DNAH1: variants seen among roughly 807,000 people sequenced by gnomAD.
DNAH1 encodes axonemal beta dynein heavy chain 1.
Under a neutral mutation model 484.3 loss-of-function variants are expected in DNAH1, and 327 were observed. The observed-to-expected ratio is 0.68, with a 90% CI of 0.62 to 0.74. The LOEUF (loss-of-function observed/expected upper bound fraction) is 0.74, where lower values mean the gene tolerates loss of function less well. Among genes scored for constraint, DNAH1 ranks in the 30% least tolerant of loss-of-function variants. The pLI is 0.00. For synonymous variants in DNAH1, 2,192 were observed against 2,191.9 expected (o/e 1.00, Z 0.00); for missense variants, 5,052 against 5,546.8 (o/e 0.91, Z 2.83).
the DNAH1 span, among the ~76,000 whole-genome samples, chr3:52,311,302 G>C: frequency 1.3e-5 from 2 of 152,328 alleles, no homozygotes; most frequent in East Asian, 1.9e-4. Flanking sequence ...GACCGGGACC[G>C]GGGCCTAGCT....
intron 8 of DNAH1, among the ~76,000 whole-genome samples, chr3:52,337,188 A>G (rs1701769666): frequency 6.6e-6 from 1 of 152,132 alleles, no homozygotes; most frequent in African/African-American, 2.4e-5. Flanking sequence ...TGTGTGTGGC[A>G]ATTGTAAATG....
chr3:52,373,318 G>A (rs1411833391), intron 44 of DNAH1, among the ~76,000 whole-genome samples: 10 of 152,178 alleles, frequency 6.6e-5, no homozygotes, highest in Admixed American at 1.3e-4. Flanking sequence ...TGGTGGCCGC[G>A]GGGGCGCGAC....
At chr3:52,337,318 C>T (rs1422768922) in intron 8 of DNAH1, among the ~76,000 whole-genome samples, 1 of 152,106 alleles carries the variant, frequency 6.6e-6, no homozygotes, top group Non-Finnish European at 1.5e-5. Flanking sequence ...CAGTTCCAGG[C>T]CTTTTGATGG....
At chr3:52,365,457 AC>A (rs1342912537) in intron 34 of DNAH1, among the ~76,000 whole-genome samples, 1 of 152,080 alleles carries the variant, frequency 6.6e-6, no homozygotes, top group Non-Finnish European at 1.5e-5. Context: ...GTTGAGTGAC[AC>A]CCCTGGCGTC....
At chr3:52,316,839 C>T (rs933479224) in intron 1 of DNAH1, among the ~76,000 whole-genome samples, 2 of 152,306 alleles carry the variant, frequency 1.3e-5, no homozygotes, top group African/African-American at 2.4e-5. Flanking sequence ...TAGTACTAAC[C>T]GTCTCAGCAA....
intron 57 of DNAH1, 24 bp downstream of exon 57, chr3:52,388,358 G>T (rs776593773): frequency 3.7e-6 from 6 of 1,600,084 alleles, no homozygotes; most frequent in Non-Finnish European, 4.3e-6. Context: ...GGAGCTGGTG[G>T]GGGAGGGCTC....
intron 48 of DNAH1, 150 bp downstream of exon 48, chr3:52,380,285 C>T (rs908126944): frequency 5.9e-6 from 4 of 675,814 alleles, no homozygotes; most frequent in African/African-American, 5.4e-5. Context: ...CTCCAGGAGA[C>T]TCCCGGCATG....
At chr3:52,320,279 G>A (rs1701096569) in intron 1 of DNAH1, among the ~76,000 whole-genome samples, 1 of 152,234 alleles carries the variant, frequency 6.6e-6, no homozygotes, top group Non-Finnish European at 1.5e-5. Context: ...TTAGACAGGT[G>A]GGCCAGACTC....
rs891256082 is a variant in DNAH1, at chr3:52,355,930, C to G, written c.3694-684C>G. 6.6e-6 allele frequency among the ~76,000 whole-genome samples: 1 copy of G among 152,232 alleles called. No homozygotes were observed. Among genetic ancestry groups the G allele is most frequent in the East Asian group, 1.9e-4 (1 of 5,192 alleles). The stretch of plus-strand genomic sequence containing the variant: ...CCATGATTCAGGGGCAGAACTGGCC[C>G]CTTAGTGGGCTGTGGGCCCCTCGAG... On this transcript the variant is annotated intron_variant, in intron 21 of 77. Transcript: ENST00000420323. The surrounding 1 kb of genome is among the most constrained non-coding windows in gnomAD (Gnocchi z 4.5).
intron 44 of DNAH1, chr3:52,374,019 T>G (rs1463154994): frequency 4.8e-6 from 5 of 1,037,224 alleles, no homozygotes; most frequent in Non-Finnish European, 7.6e-6. Context: ...CAATCTAATA[T>G]AGCGAAGAAA....
chr3:52,349,865 C>A, intron 14 of DNAH1, 124 bp from the exon 15 acceptor site: 1 of 1,387,812 alleles, frequency 7.2e-7, no homozygotes, highest in South Asian at 1.4e-5. Flanking sequence ...GAAAGCGCCG[C>A]AGGATGTTGT....
chr3:52,398,761 T>A, intron 75 of DNAH1, 89 bp from the exon 76 acceptor site: 11 of 1,195,532 alleles, frequency 9.2e-6, no homozygotes, highest in Non-Finnish European at 1.3e-5. Context: ...TTTGCCATTG[T>A]TTTTCACTCT....
rs1381820531 is a variant in DNAH1 at position 52,379,081 on chromosome 3, G to A, written c.7377+301G>A. ...GAACGCTTGAGGGACAGTGAGCAGG[G>A]TGCCCTCTGGGAACCAAAAACCCCA... On this transcript the variant is annotated intron_variant, in intron 47 of 77. Transcript: ENST00000420323. The surrounding 1 kb of genome is among the most constrained non-coding windows in gnomAD (Gnocchi z 4.4). Among the ~76,000 whole-genome samples the A allele has an allele frequency of 6.6e-6, 1 of 152,218 alleles. No homozygotes were observed. Among genetic ancestry groups the A allele is most frequent in the Non-Finnish European group, 1.5e-5 (1 of 68,038 alleles).
chr3:52,358,731 C>T lies in DNAH1; in HGVS notation c.4260C>T (p.Tyr1420=). The change falls in exon 25 of 78, where the codon TAC becomes TAT. Residue 1420 remains tyrosine, a synonymous_variant. Transcript: ENST00000420323. The surrounding 1 kb of genome is among the most constrained non-coding windows in gnomAD (Gnocchi z 4.2). ...TCATTGAGAAGGCCATCAGGGCCTA[C>T]CCCACGGTGAGCCGCCCGCAGCCCG... ...HDIIEKAIRA[Y]PTMPRTQWVL... The T allele has an allele frequency of 6.2e-7, 1 of 1,612,392 alleles. No homozygotes were observed. The highest frequency in any genetic ancestry group is 1.1e-5 in the South Asian group (1 of 91,024).
In DNAH1 at chr3:52,361,812, A is replaced by G; in HGVS notation, c.4980+46A>G. 1 of 1,532,370 alleles carries G rather than the reference A, an allele frequency of 6.5e-7. No homozygotes were observed. The highest frequency in any genetic ancestry group is 1.2e-5 in the South Asian group (1 of 83,850). 94.9% of individuals were successfully genotyped at this position (1,532,370 alleles called of 1,614,324 possible). ...TTACTCCCTCAGATCTGCCATACTCACGCCGCCATACTGCTCCCCATTGCA... is the reference window on the plus strand; with the variant it reads ...TTACTCCCTCAGATCTGCCATACTCGCGCCGCCATACTGCTCCCCATTGCA... On this transcript the variant is annotated intron_variant, in intron 30 of 77. Coordinates refer to ENST00000420323, the MANE Select transcript of DNAH1 (RefSeq NM_015512.5). The surrounding 1 kb of genome is among the most constrained non-coding windows in gnomAD (Gnocchi z 5.6).
At chr3:52,390,795 C>A in intron 60 of DNAH1, 140 bp from the exon 61 acceptor site, 1 of 1,314,514 alleles carries the variant, frequency 7.6e-7, no homozygotes, top group Non-Finnish European at 1.0e-6. Context: ...CCTACATTGT[C>A]ACCTGCCCCC....
At chr3:52,373,957 A>G in intron 44 of DNAH1, 1 of 1,224,530 alleles carries the variant, frequency 8.2e-7, no homozygotes, top group Non-Finnish European at 1.2e-6. Flanking sequence ...GGCTGGCTTC[A>G]TCTACACTTA....
At position 52,368,087 on chromosome 3, in the gene DNAH1, C is replaced by T. The variant is rs1219491831; in HGVS notation, c.5766-654C>T. Among the ~76,000 whole-genome samples, 3 of 152,154 alleles carry T rather than the reference C, an allele frequency of 2.0e-5. No individual in the cohort carries two copies. Among genetic ancestry groups the T allele is most frequent in the Non-Finnish European group, 1.5e-5 (1 of 68,024 alleles). ...GTGGTGAGGGGGATTCTGGTTGAAC[C>T]AATCTAACAGGATTCCAACTGAAGA... On this transcript the variant is annotated intron_variant, in intron 36 of 77. Transcript: ENST00000420323. This position sits in a 1 kb window ranked among gnomAD's most constrained non-coding sequence, Gnocchi z 4.4.
chr3:52,348,029 G>A (rs1178167477), intron 12 of DNAH1, 55 bp downstream of exon 12: 2 of 1,536,270 alleles, frequency 1.3e-6, no homozygotes, highest in African/African-American at 1.4e-5. Flanking sequence ...GCTGCTGATG[G>A]CTCCCTGAGC....
Sources: gnomAD v4.1 joint callset for allele counts (sites outside exome capture counted in the v4.1 genomes callset) on GRCh38, gnomAD v4.1.1 for gene constraint, Gnocchi (gnomAD v3.1) non-coding constraint, MANE v1.5 for transcripts, NCBI Gene and HGNC (gene_info 2026-07-23, HGNC 2026-07-21) for gene names.